IL23R: variants seen among roughly 807,000 people sequenced by gnomAD.
The protein encoded by IL23R is interleukin 23 receptor, also known as interleukin-23 receptor.
Under a neutral mutation model 56.9 loss-of-function variants are expected in IL23R, and 34 were observed. That is an observed-to-expected ratio of 0.60 (90% confidence interval 0.45 to 0.80). IL23R has a LOEUF of 0.80. Ranked by LOEUF, IL23R falls within the 30% of genes least tolerant of loss-of-function variation. The probability of loss-of-function intolerance (pLI) is 0.00; values close to 1 mark genes in which losing one functional copy is unlikely to be tolerated. For synonymous variants in IL23R, 230 were observed against 249.2 expected (o/e 0.92, Z 0.73); for missense variants, 635 against 730.0 (o/e 0.87, Z 1.50).
rs993789783 is a variant in IL23R, at chr1:67,190,781, C to G, written c.491+7822C>G. 5.3e-5 allele frequency among the ~76,000 whole-genome samples: 8 copies of G among 152,042 alleles called. No individual in the cohort carries two copies. The South Asian group carries it at 1.7e-3, about 32-fold the overall frequency. ...CATCAATGTTGGGATTTTCACGCAC[C>G]GTAGAAGACCAATAAGGCAAATGTT... On this transcript the variant is annotated intron_variant, in intron 4 of 10. Coordinates refer to ENST00000347310, the MANE Select transcript of IL23R (RefSeq NM_144701.3).
intron 6 of IL23R, among the ~76,000 whole-genome samples, chr1:67,216,135 C>CT (rs1423153282): frequency 1.9e-4 from 29 of 152,260 alleles, no homozygotes; most frequent in Admixed American, 1.8e-3. Flanking sequence ...CAGTTGCGAA[C>CT]GGCAATCCAC....
At chr1:67,182,388 CT>C (rs1361170384) in intron 3 of IL23R, among the ~76,000 whole-genome samples, 1 of 152,178 alleles carries the variant, frequency 6.6e-6, no homozygotes, top group African/African-American at 2.4e-5. Flanking sequence ...TCTCAGACTG[CT>C]GTGCTAGCAA....
downstream of IL23R, among the ~76,000 whole-genome samples, chr1:67,262,555 T>C (rs1022384254): frequency 2.6e-5 from 4 of 152,158 alleles, no homozygotes; most frequent in Non-Finnish European, 4.4e-5. Context: ...GAGTGGCTAA[T>C]GTCTTTACTT....
chr1:67,182,594 A>T (rs1160538932), intron 3 of IL23R, among the ~76,000 whole-genome samples: 1 of 152,124 alleles, frequency 6.6e-6, no homozygotes, highest in Non-Finnish European at 1.5e-5. Context: ...CGGGTGAGGC[A>T]ATGCCTCGCC....
At chr1:67,208,810 G>A (rs1649256466) in intron 6 of IL23R, among the ~76,000 whole-genome samples, 1 of 152,150 alleles carries the variant, frequency 6.6e-6, no homozygotes, top group Non-Finnish European at 1.5e-5. Context: ...GCTGTGAGAA[G>A]AGGGCCACCA....
chr1:67,168,925 C>T (rs11465775), intron 2 of IL23R, among the ~76,000 whole-genome samples: 3,170 of 151,916 alleles, frequency 0.021, 101 homozygotes, highest in African/African-American at 0.072. Flanking sequence ...TTTGGGAGGC[C>T]GAGGCGGGTG....
At chr1:67,173,787 C>T (rs182722444) in intron 3 of IL23R, among the ~76,000 whole-genome samples, 1 of 152,168 alleles carries the variant, frequency 6.6e-6, no homozygotes, top group Admixed American at 6.6e-5. Context: ...ACCTATCATT[C>T]CCATAAAACC....
chr1:67,184,002 G>A (rs1647204343), intron 4 of IL23R, among the ~76,000 whole-genome samples: 1 of 152,180 alleles, frequency 6.6e-6, no homozygotes, highest in Non-Finnish European at 1.5e-5. Flanking sequence ...GGGAGACTGA[G>A]GCTGGTGGAT....
At chr1:67,177,581 T>C (rs1369191250) in intron 3 of IL23R, among the ~76,000 whole-genome samples, 1 of 151,870 alleles carries the variant, frequency 6.6e-6, no homozygotes, top group Non-Finnish European at 1.5e-5. Flanking sequence ...CTGTTCACTC[T>C]GATGGTAGTT....
chr1:67,211,757 C>A (rs1649491038), intron 6 of IL23R, among the ~76,000 whole-genome samples: 1 of 152,190 alleles, frequency 6.6e-6, no homozygotes, highest in African/African-American at 2.4e-5. Context: ...CAGAAGCCAA[C>A]TGTTTTCTGG....
At chr1:67,236,926 C>T in intron 8 of IL23R, 124 bp downstream of exon 8, 1 of 702,406 alleles carries the variant, frequency 1.4e-6, no homozygotes, top group Non-Finnish European at 2.6e-6. Flanking sequence ...TTATGTCTTC[C>T]ATAGGAAAAT....
intron 4 of IL23R, among the ~76,000 whole-genome samples, chr1:67,199,827 A>G (rs1648473167): frequency 6.6e-6 from 1 of 152,084 alleles, no homozygotes; most frequent in South Asian, 2.1e-4. Context: ...AAATAAAATC[A>G]ATTTTGAAAT....
At chr1:67,209,241 T>C (rs1649283412) in intron 6 of IL23R, among the ~76,000 whole-genome samples, 1 of 152,166 alleles carries the variant, frequency 6.6e-6, no homozygotes, top group South Asian at 2.1e-4. Flanking sequence ...CTGTGGACTT[T>C]TGGGTTAATG....
chr1:67,164,194 G>A (rs1202548045), upstream of IL23R, among the ~76,000 whole-genome samples: 1 of 152,132 alleles, frequency 6.6e-6, no homozygotes, highest in Non-Finnish European at 1.5e-5. Context: ...CAGAAAATCT[G>A]ATTTAAAAAT....
chr1:67,143,790 G>A (rs1646658297), intron 1 of IL23R, among the ~76,000 whole-genome samples: 1 of 152,160 alleles, frequency 6.6e-6, no homozygotes, highest in African/African-American at 2.4e-5. Context: ...CTTGAGAATG[G>A]ACTGAGGGAA....
At chr1:67,155,945 T>C (rs926901132) in intron 1 of IL23R, among the ~76,000 whole-genome samples, 5 of 152,226 alleles carry the variant, frequency 3.3e-5, no homozygotes, top group African/African-American at 1.2e-4. Context: ...CCTTTCATCT[T>C]TGAAGCTGAT....
At chr1:67,201,208 GC>G (rs1259487646) in intron 5 of IL23R, among the ~76,000 whole-genome samples, 1 of 151,912 alleles carries the variant, frequency 6.6e-6, no homozygotes, top group South Asian at 2.1e-4. Flanking sequence ...TTCGAGACCA[GC>G]CTGGTTAACA....
intron 7 of IL23R, chr1:67,231,740 C>A (rs1462006461): frequency 6.6e-6 from 1 of 152,142 alleles, no homozygotes; most frequent in Non-Finnish European, 1.5e-5. Flanking sequence ...TTGAATAAGG[C>A]TGGGTGTGGT....
chr1:67,248,755 A>C (rs960244689), intron 9 of IL23R, among the ~76,000 whole-genome samples: 1 of 152,120 alleles, frequency 6.6e-6, no homozygotes, highest in African/African-American at 2.4e-5. Flanking sequence ...AGTGGATCTT[A>C]GCTTGCTGGG....
Sources: allele counts gnomAD v4.1 joint callset (sites outside exome capture counted in the v4.1 genomes callset), GRCh38; gene constraint gnomAD v4.1.1; transcripts MANE v1.5; gene names NCBI Gene and HGNC (gene_info 2026-07-23, HGNC 2026-07-21).